The following QTGAL variants were observed in gnomAD, a reference collection of about 807,000 sequenced individuals.
The protein encoded by QTGAL is queuosine-tRNA galactosyltransferase.
At chr17:83,030,790 T>C in the QTGAL span, 1 of 152,250 alleles carries the variant, frequency 6.6e-6, no homozygotes, top group African/African-American at 2.4e-5. Context: ...TCGGGGCGGT[T>C]CCGGGAAGGC....
At chr17:82,942,471 C>G in the QTGAL span, 3 of 1,613,974 alleles carry the variant, frequency 1.9e-6, no homozygotes, top group Non-Finnish European at 2.5e-6. Context: ...TGAAGCCAGT[C>G]CTGGAGCCCA....
chr17:83,037,973 G>A, the QTGAL span, among the ~76,000 whole-genome samples: 5 of 152,098 alleles, frequency 3.3e-5, no homozygotes, highest in South Asian at 2.1e-4. This position sits in a 1 kb window ranked among gnomAD's most constrained non-coding sequence, Gnocchi z 5.2. Flanking sequence ...CTCACACGGC[G>A]GCGAGATATT....
At chr17:83,015,807 T>TGCTCG in the QTGAL span, among the ~76,000 whole-genome samples, 1 of 152,182 alleles carries the variant, frequency 6.6e-6, no homozygotes, top group Non-Finnish European at 1.5e-5. The surrounding 1 kb of genome is among the most constrained non-coding windows in gnomAD (Gnocchi z 4.4). Flanking sequence ...AGACTCCTTA[T>TGCTCG]GAGCATCTAA....
chr17:82,988,515 T>G, the QTGAL span, among the ~76,000 whole-genome samples: 5 of 152,254 alleles, frequency 3.3e-5, no homozygotes, highest in South Asian at 1.0e-3. Context: ...TGGGACCTAA[T>G]TAAACTAAAG....
At chr17:83,037,891 C>G in the QTGAL span, among the ~76,000 whole-genome samples, 5 of 152,106 alleles carry the variant, frequency 3.3e-5, no homozygotes, top group African/African-American at 1.2e-4. The surrounding 1 kb of genome is among the most constrained non-coding windows in gnomAD (Gnocchi z 5.2). Context: ...CAAATGTTTG[C>G]GTGGGGCTCC....
the QTGAL span, chr17:83,006,287 C>A: frequency 1.0e-6 from 1 of 985,488 alleles, no homozygotes; most frequent in African/African-American, 1.7e-5. This position sits in a 1 kb window ranked among gnomAD's most constrained non-coding sequence, Gnocchi z 5.8. Context: ...ACTTGTGTAG[C>A]GTTTACGCGT....
chr17:83,007,745 G>A, the QTGAL span, among the ~76,000 whole-genome samples: 33 of 152,152 alleles, frequency 2.2e-4, no homozygotes, highest in African/African-American at 7.2e-4. Context: ...AAGCCACACC[G>A]GGTCTCTCAC....
the QTGAL span, chr17:82,947,974 G>A: frequency 6.6e-6 from 1 of 152,264 alleles, no homozygotes; most frequent in Admixed American, 6.5e-5. Context: ...GTTAAAACTA[G>A]ATGCTTCTGT....
the QTGAL span, among the ~76,000 whole-genome samples, chr17:83,041,873 T>A: frequency 6.6e-6 from 1 of 152,306 alleles, no homozygotes; most frequent in Non-Finnish European, 1.5e-5. Flanking sequence ...AAGTCATCTT[T>A]CAAAAATGAA....
At chr17:82,946,569 A>AGTGTGTTTGT in the QTGAL span, among the ~76,000 whole-genome samples, 2 of 150,192 alleles carry the variant, frequency 1.3e-5, no homozygotes, top group Non-Finnish European at 3.0e-5. Context: ...ACAGAACCCA[A>AGTGTGTTTGT]GTGTGTGTGT....
chr17:82,946,916 A>G, the QTGAL span: 2 of 1,568,002 alleles, frequency 1.3e-6, no homozygotes, highest in Middle Eastern at 1.7e-4. Context: ...GCTGAAGTGA[A>G]GGAAGTCCTG....
chr17:83,042,284 T>C, the QTGAL span, among the ~76,000 whole-genome samples: 1 of 152,140 alleles, frequency 6.6e-6, no homozygotes, highest in African/African-American at 2.4e-5. Flanking sequence ...CAAGAATCAC[T>C]TGAACCTACT....
At chr17:82,976,041 C>T in the QTGAL span, among the ~76,000 whole-genome samples, 1 of 98,076 alleles carries the variant, frequency 1.0e-5, no homozygotes, top group Non-Finnish European at 2.0e-5. Context: ...GGGACAGAGC[C>T]GGACTCCATC....
At chr17:82,947,329 A>T in the QTGAL span, 2 of 291,846 alleles carry the variant, frequency 6.9e-6, no homozygotes, top group African/African-American at 4.3e-5. Flanking sequence ...CCTTCCCTCC[A>T]CACACCCACC....
the QTGAL span, among the ~76,000 whole-genome samples, chr17:83,032,320 G>A: frequency 4.6e-5 from 6 of 130,358 alleles, no homozygotes; most frequent in African/African-American, 1.6e-4. Context: ...CCAGGCCTCT[G>A]ACGCAGACCG....
the QTGAL span, among the ~76,000 whole-genome samples, chr17:82,958,860 GGTGTGT>G: frequency 0.41 from 30,022 of 73,036 alleles, 5,853 homozygotes; most frequent in East Asian, 0.49. Context: ...GGGGGTGTAT[GGTGTGT>G]GTGTGTGTGT....
the QTGAL span, among the ~76,000 whole-genome samples, chr17:82,966,697 G>A: frequency 7.9e-5 from 12 of 152,234 alleles, no homozygotes; most frequent in South Asian, 2.1e-4. Context: ...GCCTCAGACC[G>A]GACCTCAGTG....
chr17:82,993,323 A>G, the QTGAL span, among the ~76,000 whole-genome samples: 1 of 152,152 alleles, frequency 6.6e-6, no homozygotes, highest in Non-Finnish European at 1.5e-5. Flanking sequence ...AGCTATACTT[A>G]TATTGAGGGT....
chr17:82,985,636 G>T, the QTGAL span, among the ~76,000 whole-genome samples: 2 of 152,152 alleles, frequency 1.3e-5, no homozygotes, highest in African/African-American at 4.8e-5. Flanking sequence ...AGAAGCCCGT[G>T]CTCAGCAGGT....
Sources: allele counts gnomAD v4.1 joint callset (sites outside exome capture counted in the v4.1 genomes callset), GRCh38; gene constraint gnomAD v4.1.1; non-coding constraint Gnocchi (gnomAD v3.1); transcripts MANE v1.5; gene names NCBI Gene and HGNC (gene_info 2026-07-23, HGNC 2026-07-21).